The following RUNX1 variants were observed in gnomAD, a reference collection of about 807,000 sequenced individuals.
The protein encoded by RUNX1 is RUNX family transcription factor 1, also known as runt-related transcription factor 1.
Under a neutral mutation model 42.8 loss-of-function variants are expected in RUNX1, and 19 were observed. The observed-to-expected ratio is 0.44, with a 90% CI of 0.31 to 0.65. RUNX1 has a LOEUF of 0.65. RUNX1 is among the 30% of genes least tolerant of loss of function. The probability of loss-of-function intolerance (pLI) is 0.07; values close to 1 mark genes in which losing one functional copy is unlikely to be tolerated. For missense variants in RUNX1, 528 were observed against 672.0 expected (o/e 0.79, Z 2.37); for synonymous variants, 271 against 289.4 (o/e 0.94, Z 0.64).
intron 2 of RUNX1, among the ~76,000 whole-genome samples, chr21:34,943,545 A>C (rs529791745): frequency 2.6e-5 from 4 of 152,350 alleles, no homozygotes; most frequent in African/African-American, 7.2e-5. Flanking sequence ...TACAAAAGAC[A>C]GAAGTTGTTA....
At chr21:34,890,784 G>GCGCGCGCC (rs1474588338) in intron 3 of RUNX1, among the ~76,000 whole-genome samples, 7 of 125,318 alleles carry the variant, frequency 5.6e-5, no homozygotes, top group Non-Finnish European at 7.8e-5. Context: ...AGAGTGCATC[G>GCGCGCGCC]CGCGCGCCCG....
intron 2 of RUNX1, among the ~76,000 whole-genome samples, chr21:34,904,403 T>C (rs866523509): frequency 3.3e-5 from 5 of 152,308 alleles, no homozygotes; most frequent in African/African-American, 9.6e-5. Context: ...TATTCAGAGA[T>C]CATCCAAAAA....
intron 2 of RUNX1, among the ~76,000 whole-genome samples, chr21:34,894,928 C>CAT (rs71196915): frequency 1.8e-5 from 2 of 109,526 alleles, no homozygotes; most frequent in South Asian, 2.9e-4. Flanking sequence ...CACACACACA[C>CAT]ATATTCATAT....
In RUNX1 at chr21:34,907,191, C is replaced by G. The variant is rs2058228225; in HGVS notation, c.59-14228G>C. Among the ~76,000 whole-genome samples, 1 of 152,096 alleles carries G rather than the reference C, an allele frequency of 6.6e-6. No homozygotes were observed. Among genetic ancestry groups the G allele is most frequent in the Non-Finnish European group, 1.5e-5 (1 of 68,024 alleles). ...TTGGGGGCTCTTGACAGCAAGAAAA[C>G]CTAAACAGGAGAATCCCACTTAGCA... On this transcript the variant is annotated intron_variant, in intron 2 of 8. Transcript: ENST00000675419. This position sits in a 1 kb window ranked among gnomAD's most constrained non-coding sequence, Gnocchi z 5.3.
At chr21:34,949,992 A>T (rs1010390634) in intron 2 of RUNX1, among the ~76,000 whole-genome samples, 1 of 152,326 alleles carries the variant, frequency 6.6e-6, no homozygotes, top group East Asian at 1.9e-4. Flanking sequence ...ACATCATAGG[A>T]TCATAGAATT....
intron 2 of RUNX1, among the ~76,000 whole-genome samples, chr21:34,954,638 C>G (rs1936400829): frequency 6.6e-6 from 1 of 152,188 alleles, no homozygotes; most frequent in African/African-American, 2.4e-5. Flanking sequence ...CTAACCTCTT[C>G]CAGGTTGAGA....
At chr21:34,980,727 G>A (rs1251076698) in intron 2 of RUNX1, among the ~76,000 whole-genome samples, 1 of 152,148 alleles carries the variant, frequency 6.6e-6, no homozygotes, top group African/African-American at 2.4e-5. Context: ...AAGACACTGT[G>A]ATTGTGTGCC....
At chr21:34,834,330 GGT>G (rs758995957) in intron 7 of RUNX1, 78 bp downstream of exon 7, 2 of 1,417,534 alleles carry the variant, frequency 1.4e-6, no homozygotes, top group African/African-American at 2.8e-5. Flanking sequence ...GGTCTGGGAA[GGT>G]GTGTGCACAT....
intron 5 of RUNX1, among the ~76,000 whole-genome samples, chr21:34,862,574 GGCCA>G (rs2057592837): frequency 6.6e-6 from 1 of 152,152 alleles, no homozygotes; most frequent in Admixed American, 6.5e-5. Flanking sequence ...TTCGGATGGT[GGCCA>G]GCATTTCTTG....
Position 34,903,828 on chromosome 21 carries a change from C to T in RUNX1, c.59-10865G>A, listed in dbSNP as rs992394038. 2.0e-5 allele frequency among the ~76,000 whole-genome samples: 3 copies of T among 151,946 alleles called. No individual in the cohort carries two copies. The South Asian group carries it at 6.2e-4, about 32-fold the overall frequency. ...GCTTTCTTGTGGGGTCATGAAATTG[C>T]CATAGTTTACAAAAACTTTAAAATT... On this transcript the variant is annotated intron_variant, in intron 2 of 8. Transcript: ENST00000675419.
chr21:34,993,498 T>TACACACACACAC (rs71324340), intron 2 of RUNX1, among the ~76,000 whole-genome samples: 2 of 128,430 alleles, frequency 1.6e-5, no homozygotes, highest in African/African-American at 3.3e-5. Flanking sequence ...TGTTTGTCCC[T>TACACACACACAC]ACACACACAC....
At chr21:34,913,337 G>A (rs1028452909) in intron 2 of RUNX1, among the ~76,000 whole-genome samples, 11 of 152,160 alleles carry the variant, frequency 7.2e-5, no homozygotes, top group Admixed American at 4.6e-4. Flanking sequence ...CTGGGCTCAG[G>A]AAAGGAAGAA....
chr21:34,876,019 G>C (rs1004373429), intron 5 of RUNX1, among the ~76,000 whole-genome samples: 3 of 152,188 alleles, frequency 2.0e-5, no homozygotes, highest in Non-Finnish European at 4.4e-5. Context: ...TAAATGTGTT[G>C]GGAAAGGATA....
chr21:34,834,480 G>T lies in RUNX1; in HGVS notation c.735C>A (p.Pro245=), dbSNP rs902762123. Residue 245 remains proline, a synonymous_variant, in exon 7 of 9, where the codon CCC becomes CCA. Transcript: ENST00000675419. ...TCAGGGAGGCACGAGGGTTGGGCGTGGGGGCTGGGTGGTGTGGGCTGACCC... is the reference window on the plus strand; with the variant it reads ...TCAGGGAGGCACGAGGGTTGGGCGTTGGGGCTGGGTGGTGTGGGCTGACCC... ...AMRVSPHHPA[P]TPNPRASLNH... is the part of the protein sequence containing the mutation. 1.2e-6 allele frequency: 2 copies of T among 1,613,060 alleles called. No homozygotes were observed. The highest frequency in any genetic ancestry group is 1.1e-5 in the South Asian group (1 of 91,054).
chr21:34,950,242 C>G (rs1418410599), intron 2 of RUNX1, among the ~76,000 whole-genome samples: 1 of 152,082 alleles, frequency 6.6e-6, no homozygotes, highest in Non-Finnish European at 1.5e-5. Flanking sequence ...CATTCATAAC[C>G]CGCATCTTAT....
chr21:34,874,820 G>A lies in RUNX1; in HGVS notation c.508+5737C>T, dbSNP rs113106625. On this transcript the variant is annotated intron_variant, in intron 5 of 8. Coordinates refer to ENST00000675419, the MANE Select transcript of RUNX1 (RefSeq NM_001754.5). The stretch of plus-strand genomic sequence containing the variant: ...TTAGAACCAGAGCAGGGTTGCAGCC[G>A]TTGGCTGGATCACTGTTTATGTCTA... Among the ~76,000 whole-genome samples, 311 of 152,210 alleles carry A rather than the reference G, an allele frequency of 2.0e-3. 1 individual carries two copies. Among genetic ancestry groups the A allele is most frequent in the African/African-American group, 6.5e-3 (269 of 41,512 alleles).
At chr21:34,802,412 G>T (rs2056619892) in intron 7 of RUNX1, among the ~76,000 whole-genome samples, 1 of 152,204 alleles carries the variant, frequency 6.6e-6, no homozygotes, top group African/African-American at 2.4e-5. Flanking sequence ...AAGATCCCAG[G>T]ATCTTGTGAT....
At chr21:34,805,305 T>C (rs1461066153) in intron 7 of RUNX1, among the ~76,000 whole-genome samples, 2 of 152,186 alleles carry the variant, frequency 1.3e-5, no homozygotes, top group African/African-American at 4.8e-5. Flanking sequence ...AAGAAATACT[T>C]GAAGTATTAA....
At chr21:35,022,315 C>A (rs1056641826) in intron 2 of RUNX1, among the ~76,000 whole-genome samples, 2 of 152,170 alleles carry the variant, frequency 1.3e-5, no homozygotes, top group Admixed American at 1.3e-4. Context: ...GGTTCCTTCT[C>A]GGTCTTACTC....
Sources: gnomAD v4.1 joint callset for allele counts (sites outside exome capture counted in the v4.1 genomes callset) on GRCh38, gnomAD v4.1.1 for gene constraint, Gnocchi (gnomAD v3.1) non-coding constraint, MANE v1.5 for transcripts, NCBI Gene and HGNC (gene_info 2026-07-23, HGNC 2026-07-21) for gene names.